The following ANO2 variants were observed in gnomAD, a reference collection of about 807,000 sequenced individuals.
ANO2 encodes anoctamin 2.
A neutral mutation model predicts 124.2 loss-of-function variants in ANO2; 101 were observed. The observed-to-expected ratio is 0.81, with a 90% CI of 0.69 to 0.96. The LOEUF (loss-of-function observed/expected upper bound fraction) is 0.96. Ranked by LOEUF, ANO2 falls within the 40% of genes least tolerant of loss-of-function variation. ANO2 has a pLI of 0.00. For missense variants in ANO2, 1,293 were observed against 1,274.5 expected, an observed-to-expected ratio of 1.01 and a Z score of -0.22; for synonymous variants, 486 against 482.5, an observed-to-expected ratio of 1.01 and a Z score of -0.09.
rs1952002658 is a variant in ANO2 at position 5,769,334 on chromosome 12, G to A, written c.1056-18364C>T. On this transcript the variant is annotated intron_variant, in intron 10 of 24. Coordinates refer to ENST00000682330, the MANE Select transcript of ANO2 (RefSeq NM_001364791.2). The surrounding 1 kb of genome is among the most constrained non-coding windows in gnomAD (Gnocchi z 4.0). The stretch of plus-strand genomic sequence containing the variant: ...CCTGGCGTGGCCTGTCACTGGCTCT[G>A]CAAGCAGCAGACGCATTCAGAGGAG... Among the ~76,000 whole-genome samples the A allele has an allele frequency of 6.6e-6, 1 of 152,072 alleles. No individual in the cohort carries two copies. Among genetic ancestry groups the A allele is most frequent in the Non-Finnish European group, 1.5e-5 (1 of 68,034 alleles).
chr12:5,567,997 A>G (rs1273586492), intron 23 of ANO2, among the ~76,000 whole-genome samples: 4 of 152,254 alleles, frequency 2.6e-5, no homozygotes, highest in Non-Finnish European at 5.9e-5. Flanking sequence ...TATGACCTAC[A>G]GTGAGAAATA....
At chr12:5,778,064 G>T (rs922028832) in intron 10 of ANO2, among the ~76,000 whole-genome samples, 5 of 152,184 alleles carry the variant, frequency 3.3e-5, no homozygotes, top group Non-Finnish European at 7.3e-5. Context: ...ATGCCCAGTT[G>T]TAATCCACTG....
At chr12:5,802,508 C>T (rs1428718620) in intron 9 of ANO2, among the ~76,000 whole-genome samples, 1 of 152,162 alleles carries the variant, frequency 6.6e-6, no homozygotes, top group Non-Finnish European at 1.5e-5. Flanking sequence ...GTAGACCCTT[C>T]CCAATCTTTA....
chr12:5,730,568 C>T (rs7967277), intron 14 of ANO2, among the ~76,000 whole-genome samples: 89 of 152,304 alleles, frequency 5.8e-4, no homozygotes, highest in African/African-American at 1.8e-3. Flanking sequence ...ATTCTTTAGT[C>T]CCTGTCTATT....
intron 14 of ANO2, among the ~76,000 whole-genome samples, chr12:5,666,597 A>T (rs1947731663): frequency 6.6e-6 from 1 of 152,222 alleles, no homozygotes; most frequent in Non-Finnish European, 1.5e-5. Context: ...ACCAAATTTT[A>T]CCTTGAAAAA....
intron 14 of ANO2, among the ~76,000 whole-genome samples, chr12:5,730,279 C>T (rs1950584709): frequency 6.6e-6 from 1 of 152,058 alleles, no homozygotes; most frequent in Non-Finnish European, 1.5e-5. Context: ...AGTAAACGGA[C>T]TTGGTATCTT....
chr12:5,574,118 T>C (rs1351441151), intron 23 of ANO2, among the ~76,000 whole-genome samples: 1 of 152,222 alleles, frequency 6.6e-6, no homozygotes, highest in Non-Finnish European at 1.5e-5. Context: ...CAATACCTTC[T>C]CTTAGGTTTT....
intron 1 of ANO2, among the ~76,000 whole-genome samples, chr12:5,943,325 G>A (rs558946579): frequency 4.0e-5 from 6 of 150,438 alleles, no homozygotes; most frequent in South Asian, 2.1e-4. Context: ...AATACTACTC[G>A]GCCATGAAAA....
At chr12:5,818,450 TATATATATATATATATATATATATA>T (rs1953679810) in intron 7 of ANO2, among the ~76,000 whole-genome samples, 1 of 1,220 alleles carries the variant, frequency 8.2e-4, no homozygotes, top group African/African-American at 1.1e-3. Context: ...ACTCATATTA[TATATATATATATATATATATATATA>T]TATATATATA....
intron 22 of ANO2, among the ~76,000 whole-genome samples, chr12:5,576,954 G>A (rs1387317062): frequency 2.0e-5 from 3 of 152,126 alleles, no homozygotes; most frequent in East Asian, 3.8e-4. Context: ...ATCTTATTTG[G>A]TGGGTACTAT....
Position 5,739,351 on chromosome 12 carries a change from T to A in ANO2, c.1400A>T (p.Tyr467Phe). Residue 467 changes from tyrosine to phenylalanine, a missense_variant, in exon 13 of 25, where the codon TAC becomes TTC. Tyr to Phe is a conservative substitution (Grantham distance 22). Transcript: ENST00000682330. ...NWKRLQMRLG[Y>F]FWDLTGIEEE... ...TTCTATGCCAGTCAGGTCCCAAAAG[T>A]AGCCCAGTCGCATCTGTAGCCTCTT... The A allele has an allele frequency of 6.2e-7, 1 of 1,607,672 alleles. No individual in the cohort carries two copies. Among genetic ancestry groups the A allele is most frequent in the Non-Finnish European group, 8.5e-7 (1 of 1,177,150 alleles).
chr12:5,744,694 T>C (rs1334693795), intron 11 of ANO2, among the ~76,000 whole-genome samples: 1 of 152,174 alleles, frequency 6.6e-6, no homozygotes. Context: ...TGAAGCTGGA[T>C]TTCATCATCC....
Position 5,904,211 on chromosome 12 carries a change from A to AG in ANO2, c.534+16828dup, listed in dbSNP as rs547177156. On this transcript the variant is annotated intron_variant, in intron 3 of 24. Coordinates refer to ENST00000682330, the MANE Select transcript of ANO2 (RefSeq NM_001364791.2). This position sits in a 1 kb window ranked among gnomAD's most constrained non-coding sequence, Gnocchi z 4.1. Reference sequence around the variant, plus strand: ...CAGCTTATGGAAGCTGTAGTAAAGAAGGGGGGACTCCCATCTGGGACCATG... The same window carrying AG: ...CAGCTTATGGAAGCTGTAGTAAAGAAGGGGGGGACTCCCATCTGGGACCATG... 1.3e-5 allele frequency among the ~76,000 whole-genome samples: 2 copies of AG among 152,326 alleles called. No homozygotes were observed. The highest frequency in any genetic ancestry group is 2.1e-4 in the South Asian group (1 of 4,828).
At chr12:5,833,069 C>G (rs977156085) in intron 4 of ANO2, among the ~76,000 whole-genome samples, 2 of 152,218 alleles carry the variant, frequency 1.3e-5, no homozygotes, top group African/African-American at 2.4e-5. Flanking sequence ...GGATTTAACT[C>G]ATGTCAACCT....
At position 5,563,313 on chromosome 12, in the gene ANO2, G is replaced by A. The variant is rs199872408; in HGVS notation, c.2983C>T (p.His995Tyr). The change falls in exon 25 of 25, where the codon CAC (histidine) becomes TAC (tyrosine). Residue 995 changes from histidine (H) to tyrosine (Y), a missense_variant. Transcript: ENST00000682330. Reference sequence around the variant, plus strand: ...GGCTGAACTGCTCACACATTGGTGTGCTGAGAGCCTGACGACATCATGCTG... The same window carrying A: ...GGCTGAACTGCTCACACATTGGTGTACTGAGAGCCTGACGACATCATGCTG... ...LGSMMSSGSQ[H>Y]TNV 22 of 1,599,628 alleles carry A rather than the reference G, an allele frequency of 1.4e-5. No individual in the cohort carries two copies. The highest frequency in any genetic ancestry group is 1.2e-4 in the Admixed American group (7 of 59,178).
chr12:5,723,522 T>C (rs78830259), intron 14 of ANO2, among the ~76,000 whole-genome samples: 1,581 of 142,712 alleles, frequency 0.011, 26 homozygotes, highest in African/African-American at 0.039. Context: ...CCATTTCTCT[T>C]GGCTGGGGTG....
At chr12:5,699,675 G>A (rs1565583626) in intron 14 of ANO2, among the ~76,000 whole-genome samples, 1 of 152,080 alleles carries the variant, frequency 6.6e-6, no homozygotes, top group Non-Finnish European at 1.5e-5. Flanking sequence ...ACCCATCAGT[G>A]TGCTGTATTC....
intron 16 of ANO2, among the ~76,000 whole-genome samples, chr12:5,621,351 A>T (rs907980413): frequency 2.0e-5 from 3 of 152,240 alleles, no homozygotes; most frequent in African/African-American, 7.2e-5. Context: ...TCCCATATTA[A>T]AAATTCCCTG....
At position 5,908,491 on chromosome 12, in the gene ANO2, T is replaced by C. The variant is rs1231233060; in HGVS notation, c.534+12549A>G. 1.3e-5 allele frequency among the ~76,000 whole-genome samples: 2 copies of C among 152,140 alleles called. No individual in the cohort carries two copies. The highest frequency in any genetic ancestry group is 6.5e-5 in the Admixed American group (1 of 15,282). On this transcript the variant is annotated intron_variant, in intron 3 of 24. Coordinates refer to ENST00000682330, the MANE Select transcript of ANO2 (RefSeq NM_001364791.2). The surrounding 1 kb of genome is among the most constrained non-coding windows in gnomAD (Gnocchi z 4.7). ...CCAGGGTGCTGGGCTGGACAGAAAG[T>C]CCAACTGCTGGCCACAGTGGAGTGG...
Sources: allele counts gnomAD v4.1 joint callset (sites outside exome capture counted in the v4.1 genomes callset), GRCh38; gene constraint gnomAD v4.1.1; non-coding constraint Gnocchi (gnomAD v3.1); transcripts MANE v1.5; gene names NCBI Gene and HGNC (gene_info 2026-07-23, HGNC 2026-07-21).